Variants in DLC1 observed in about 807,000 individuals in gnomAD.
DLC1 encodes the protein rho GTPase-activating protein 7.
A neutral mutation model predicts 140.3 loss-of-function variants in DLC1; 54 were observed. The ratio of observed to expected loss-of-function variants is 0.38; its 90% CI spans 0.31 to 0.48. The LOEUF is 0.48. Among genes scored for constraint, DLC1 ranks in the 20% least tolerant of loss-of-function variants. The pLI is 0.96. For synonymous variants in DLC1, 986 were observed against 728.1 expected (o/e 1.35, Z -5.70); for missense variants, 2,536 against 1,907.0 (o/e 1.33, Z -6.14).
At chr8:13,549,120 G>C (rs78436078) in intron 1 of DLC1, among the ~76,000 whole-genome samples, 1 of 151,942 alleles carries the variant, frequency 6.6e-6, no homozygotes, top group African/African-American at 2.4e-5. Flanking sequence ...TTACTCTGGG[G>C]CTGGCAAAAA....
chr8:13,230,808 G>A (rs1029586759), intron 5 of DLC1, among the ~76,000 whole-genome samples: 1 of 152,024 alleles, frequency 6.6e-6, no homozygotes, highest in Non-Finnish European at 1.5e-5. Flanking sequence ...TGTTGGCCAG[G>A]CTGGTCTCGA....
chr8:13,099,292 A>C, intron 9 of DLC1, 55 bp downstream of exon 9: 2 of 1,559,034 alleles, frequency 1.3e-6, no homozygotes, highest in Non-Finnish European at 1.7e-6. Flanking sequence ...AAGCACAGGC[A>C]ATGTCTTTCT....
chr8:13,311,872 C>G (rs1457016251), intron 4 of DLC1, among the ~76,000 whole-genome samples: 1 of 152,090 alleles, frequency 6.6e-6, no homozygotes, highest in Non-Finnish European at 1.5e-5. Flanking sequence ...TTCTTTTCCT[C>G]CTCAAAACAC....
chr8:13,415,953 C>T (rs527868941), intron 2 of DLC1, among the ~76,000 whole-genome samples: 1 of 152,252 alleles, frequency 6.6e-6, no homozygotes, highest in South Asian at 2.1e-4. Context: ...TTTCAAACAA[C>T]TATGCCAAAG....
upstream of DLC1, among the ~76,000 whole-genome samples, chr8:13,519,282 C>T (rs1376847528): frequency 2.0e-5 from 3 of 152,272 alleles, no homozygotes; most frequent in Admixed American, 2.0e-4. Flanking sequence ...CACCCGCCAC[C>T]ATGCCCAGCT....
chr8:13,576,316 C>T (rs918027521), intron 1 of DLC1, among the ~76,000 whole-genome samples: 1 of 152,000 alleles, frequency 6.6e-6, no homozygotes, highest in Non-Finnish European at 1.5e-5. Context: ...TTTTCTGGGG[C>T]GCGGAGAAGG....
intron 5 of DLC1, among the ~76,000 whole-genome samples, chr8:13,177,206 A>G (rs988268296): frequency 1.3e-5 from 2 of 152,202 alleles, no homozygotes; most frequent in African/African-American, 2.4e-5. Flanking sequence ...GATGAGAGAC[A>G]AAGTTTTGTT....
chr8:13,286,769 CTT>C (rs1039650329), intron 5 of DLC1, among the ~76,000 whole-genome samples: 1 of 149,398 alleles, frequency 6.7e-6, no homozygotes, highest in African/African-American at 2.4e-5. Context: ...AACTCTTACT[CTT>C]TTGATTGGCA....
At chr8:13,543,989 A>G (rs890259649) in intron 1 of DLC1, among the ~76,000 whole-genome samples, 2 of 152,126 alleles carry the variant, frequency 1.3e-5, no homozygotes, top group Admixed American at 6.6e-5. Flanking sequence ...CCCAAAAGCT[A>G]TTGAAACAAA....
chr8:13,300,530 G>A (rs763798571), intron 5 of DLC1, among the ~76,000 whole-genome samples: 96 of 152,068 alleles, frequency 6.3e-4, no homozygotes, highest in Non-Finnish European at 4.3e-4. Flanking sequence ...AGAGCTTCTC[G>A]TCCTCTTCGT....
At chr8:13,417,444 G>C (rs1174296380) in intron 2 of DLC1, among the ~76,000 whole-genome samples, 1 of 149,960 alleles carries the variant, frequency 6.7e-6, no homozygotes, top group Non-Finnish European at 1.5e-5. Context: ...CCATCTATGA[G>C]TGAGAATATG....
At chr8:13,242,255 G>C (rs749279122) in intron 5 of DLC1, among the ~76,000 whole-genome samples, 1 of 152,060 alleles carries the variant, frequency 6.6e-6, no homozygotes, top group African/African-American at 2.4e-5. Flanking sequence ...ATTTCTTGTG[G>C]TAATGAAGGT....
chr8:13,241,272 T>G (rs910516559), intron 5 of DLC1, among the ~76,000 whole-genome samples: 24 of 152,198 alleles, frequency 1.6e-4, no homozygotes, highest in African/African-American at 5.3e-4. Context: ...TGCTTTCAAT[T>G]AAGCATTAAG....
intron 5 of DLC1, among the ~76,000 whole-genome samples, chr8:13,153,704 C>T (rs1418817719): frequency 6.6e-6 from 1 of 152,010 alleles, no homozygotes; most frequent in Non-Finnish European, 1.5e-5. Flanking sequence ...AAAAGTTCTC[C>T]AAGTCCCCAC....
chr8:13,413,030 C>T (rs1837860156), intron 2 of DLC1, among the ~76,000 whole-genome samples: 2 of 151,946 alleles, frequency 1.3e-5, no homozygotes, highest in African/African-American at 2.4e-5. Context: ...TATCAGCCCC[C>T]ACTCAGCACT....
At chr8:13,587,544 TACACAC>T (rs377724474) in intron 1 of DLC1, among the ~76,000 whole-genome samples, 1 of 142,212 alleles carries the variant, frequency 7.0e-6, no homozygotes, top group African/African-American at 2.6e-5. Flanking sequence ...AATGTGACTA[TACACAC>T]ACACACACAC....
intron 5 of DLC1, among the ~76,000 whole-genome samples, chr8:13,167,840 AT>A (rs1825207837): frequency 2.0e-5 from 3 of 152,228 alleles, no homozygotes; most frequent in African/African-American, 7.2e-5. Context: ...CACATTTGTT[AT>A]TTTATTAAAC....
intron 5 of DLC1, among the ~76,000 whole-genome samples, chr8:13,161,549 CT>C (rs1824698509): frequency 6.6e-6 from 1 of 152,134 alleles, no homozygotes; most frequent in South Asian, 2.1e-4. Flanking sequence ...TTTGTTGCCG[CT>C]GGTCTTGAAT....
intron 4 of DLC1, among the ~76,000 whole-genome samples, chr8:13,333,871 GAC>G (rs915016113): frequency 6.6e-6 from 1 of 152,100 alleles, no homozygotes; most frequent in Non-Finnish European, 1.5e-5. Flanking sequence ...GAGTTATTCA[GAC>G]ACAGAAAATT....
Sources: gnomAD v4.1 joint callset for allele counts (sites outside exome capture counted in the v4.1 genomes callset) on GRCh38, gnomAD v4.1.1 for gene constraint, MANE v1.5 for transcripts, NCBI Gene and HGNC (gene_info 2026-07-23, HGNC 2026-07-21) for gene names.